The following FHIT variants were observed in gnomAD, a reference collection of about 807,000 sequenced individuals.
FHIT encodes the protein fragile histidine triad diadenosine triphosphatase, also known as bis(5'-adenosyl)-triphosphatase.
In FHIT, 19 loss-of-function variants were observed where a neutral mutation model predicts 17.9. The ratio of observed to expected loss-of-function variants is 1.06; its 90% CI spans 0.74 to 1.56. The LOEUF is 1.56. Among genes scored for constraint, FHIT ranks in the 40% most tolerant of loss-of-function variants. FHIT has a pLI of 0.00. For missense variants in FHIT, 248 were observed against 189.2 expected (o/e 1.31, Z -1.82); for synonymous variants, 81 against 69.7 (o/e 1.16, Z -0.81).
At chr3:60,151,284 A>C (rs1700452184) in intron 5 of FHIT, among the ~76,000 whole-genome samples, 1 of 152,184 alleles carries the variant, frequency 6.6e-6, no homozygotes, top group Non-Finnish European at 1.5e-5. Context: ...TTATCATATC[A>C]GTTTACATTC....
At chr3:60,052,268 G>T (rs1701910675) in intron 5 of FHIT, among the ~76,000 whole-genome samples, 1 of 152,102 alleles carries the variant, frequency 6.6e-6, no homozygotes, top group Admixed American at 6.5e-5. Context: ...AGCAGCAATA[G>T]AACGAGTGGC....
At chr3:60,620,006 C>G (rs1553677790) in intron 4 of FHIT, among the ~76,000 whole-genome samples, 1 of 152,054 alleles carries the variant, frequency 6.6e-6, no homozygotes, top group African/African-American at 2.4e-5. Flanking sequence ...AAGACTTGAA[C>G]AGACACCTCA....
chr3:60,898,603 T>C lies in FHIT; in HGVS notation c.-110-76592A>G, dbSNP rs112626408. ...CAAATTTAGAACAAAACATTACTGA[T>C]GTCTGCCCAAAACTCTGTAAACCTG... On this transcript the variant is annotated intron_variant, in intron 3 of 9. Transcript: ENST00000492590. 4.7e-4 allele frequency among the ~76,000 whole-genome samples: 72 copies of C among 152,354 alleles called. 2 individuals carry two copies. Among genetic ancestry groups the C allele is most frequent in the Middle Eastern group, 3.4e-3 (1 of 294 alleles).
intron 2 of FHIT, among the ~76,000 whole-genome samples, chr3:61,137,862 G>A (rs932533820): frequency 1.4e-4 from 22 of 152,122 alleles, no homozygotes; most frequent in African/African-American, 5.3e-4. Flanking sequence ...CTCTCTCCCT[G>A]CAGCCTCACA....
chr3:60,208,611 G>A (rs1703309268), intron 5 of FHIT, among the ~76,000 whole-genome samples: 2 of 152,258 alleles, frequency 1.3e-5, no homozygotes, highest in East Asian at 3.9e-4. Flanking sequence ...TCCAACATAT[G>A]TATTTTCAGT....
intron 3 of FHIT, among the ~76,000 whole-genome samples, chr3:60,834,879 A>G (rs1702475117): frequency 7.1e-6 from 1 of 140,126 alleles, no homozygotes; most frequent in Admixed American, 7.0e-5. Context: ...AAGAAAAGAA[A>G]AGAAAAAAAA....
At chr3:59,767,270 A>T (rs907173516) in intron 8 of FHIT, among the ~76,000 whole-genome samples, 11 of 152,174 alleles carry the variant, frequency 7.2e-5, no homozygotes, top group Admixed American at 7.2e-4. Flanking sequence ...AGGCTGAGGC[A>T]GGTGGATCAC....
In FHIT at chr3:60,585,566, G is replaced by A. The variant is rs114879938; in HGVS notation, c.-17-48587C>T. ...AAAATCTTGCAGTGAAAGCAAGAAA[G>A]ACCTATCAATACTGAGTCAACAGAG... On this transcript the variant is annotated intron_variant, in intron 4 of 9. Transcript: ENST00000492590. Among the ~76,000 whole-genome samples the A allele has an allele frequency of 4.1e-3, 626 of 152,130 alleles. 2 individuals carry two copies. Among genetic ancestry groups the A allele is most frequent in the African/African-American group, 0.014 (598 of 41,554 alleles).
intron 1 of FHIT, among the ~76,000 whole-genome samples, chr3:61,211,060 CT>C (rs1263057543): frequency 6.6e-6 from 1 of 152,034 alleles, no homozygotes; most frequent in Non-Finnish European, 1.5e-5. Context: ...CGGTCTACAG[CT>C]CCCAGCATGA....
At chr3:60,283,973 C>T (rs1020795116) in intron 5 of FHIT, among the ~76,000 whole-genome samples, 8 of 151,950 alleles carry the variant, frequency 5.3e-5, no homozygotes, top group African/African-American at 1.9e-4. Context: ...CAGGGGAATG[C>T]CATCCATATA....
intron 3 of FHIT, among the ~76,000 whole-genome samples, chr3:61,021,015 G>A (rs1036753300): frequency 4.6e-5 from 7 of 152,122 alleles, no homozygotes; most frequent in African/African-American, 1.4e-4. Context: ...CAATACAGGA[G>A]AATCCAGATT....
chr3:60,559,265 C>CTATTT (rs2036848306), intron 4 of FHIT, among the ~76,000 whole-genome samples: 1 of 152,116 alleles, frequency 6.6e-6, no homozygotes, highest in Non-Finnish European at 1.5e-5. Context: ...TAAAATTTCC[C>CTATTT]TAGAGGCATG....
chr3:60,974,474 T>C (rs992928184), intron 3 of FHIT, among the ~76,000 whole-genome samples: 6 of 152,092 alleles, frequency 3.9e-5, no homozygotes, highest in Non-Finnish European at 8.8e-5. Context: ...AATGAAAGAT[T>C]CAATGTGGTT....
At chr3:60,395,647 A>C (rs983495825) in intron 5 of FHIT, among the ~76,000 whole-genome samples, 1 of 152,170 alleles carries the variant, frequency 6.6e-6, no homozygotes, top group Non-Finnish European at 1.5e-5. Flanking sequence ...TAAAAGGAAG[A>C]AAGAAAGGGG....
chr3:61,165,524 C>T (rs570656930), intron 2 of FHIT: 2 of 152,260 alleles, frequency 1.3e-5, no homozygotes, highest in African/African-American at 4.8e-5. Context: ...TGAGTAATGT[C>T]TATAAATTGC....
intron 5 of FHIT, among the ~76,000 whole-genome samples, chr3:60,112,417 T>C (rs726409): frequency 6.6e-6 from 1 of 152,062 alleles, no homozygotes; most frequent in Non-Finnish European, 1.5e-5. Context: ...TTCAGAAGCC[T>C]GATCATAGCG....
At chr3:60,734,878 GA>G (rs1372111322) in intron 4 of FHIT, among the ~76,000 whole-genome samples, 2 of 152,186 alleles carry the variant, frequency 1.3e-5, no homozygotes, top group Non-Finnish European at 2.9e-5. Context: ...AACTGTAAAT[GA>G]CTTTGCAGGG....
chr3:61,181,752 G>C (rs537223936), intron 2 of FHIT, among the ~76,000 whole-genome samples: 29 of 152,178 alleles, frequency 1.9e-4, no homozygotes, highest in Non-Finnish European at 3.2e-4. Context: ...CTCTTTCCTA[G>C]CCTAATTACT....
intron 8 of FHIT, among the ~76,000 whole-genome samples, chr3:59,760,577 C>T (rs926325831): frequency 1.9e-4 from 28 of 147,392 alleles, no homozygotes; most frequent in African/African-American, 6.6e-4. Flanking sequence ...AAAAAAAAAT[C>T]ACTGGAATTG....
Sources: allele counts gnomAD v4.1 joint callset (sites outside exome capture counted in the v4.1 genomes callset), GRCh38; gene constraint gnomAD v4.1.1; transcripts MANE v1.5; gene names NCBI Gene and HGNC (gene_info 2026-07-23, HGNC 2026-07-21).